Variants in ZFHX3 observed in about 807,000 individuals in gnomAD.
ZFHX3 encodes zinc finger homeobox 3, also known as zinc finger homeobox protein 3.
ZFHX3 carries 42 observed loss-of-function variants against 279.1 expected under a neutral mutation model. That is an observed-to-expected ratio of 0.15 (90% confidence interval 0.12 to 0.19). ZFHX3 has a LOEUF of 0.19. ZFHX3 is among the 10% of genes least tolerant of loss of function. The probability of loss-of-function intolerance (pLI) is 1.00; values close to 1 mark genes in which losing one functional copy is unlikely to be tolerated. For missense variants in ZFHX3, 4,981 were observed against 4,754.0 expected, an observed-to-expected ratio of 1.05 and a Z score of -1.40; for synonymous variants, 2,293 against 1,957.8, an observed-to-expected ratio of 1.17 and a Z score of -4.52.
chr16:73,305,208 G>C (rs2015154397), intron 4 of ZFHX3, among the ~76,000 whole-genome samples: 2 of 152,066 alleles, frequency 1.3e-5, no homozygotes, highest in African/African-American at 4.8e-5. Context: ...GTGTAAGCTG[G>C]GCAATTTCAG....
chr16:73,719,559 G>A (rs554190328), intron 1 of ZFHX3, among the ~76,000 whole-genome samples: 2 of 152,230 alleles, frequency 1.3e-5, no homozygotes, highest in East Asian at 1.9e-4. Context: ...CAAGAATGAT[G>A]GAAAATAACT....
intron 1 of ZFHX3, among the ~76,000 whole-genome samples, chr16:73,680,713 T>C (rs1034384521): frequency 1.3e-5 from 2 of 152,200 alleles, no homozygotes; most frequent in African/African-American, 2.4e-5. Context: ...TGAAACTGAA[T>C]GGTGGGTGTA....
chr16:73,507,557 G>A (rs1408739791), intron 2 of ZFHX3, among the ~76,000 whole-genome samples: 1 of 142,874 alleles, frequency 7.0e-6, no homozygotes, highest in Non-Finnish European at 1.5e-5. Flanking sequence ...GTACAGTGGT[G>A]CAGTCATGGC....
chr16:73,116,039 G>C (rs1204023092), intron 7 of ZFHX3, among the ~76,000 whole-genome samples: 1 of 151,750 alleles, frequency 6.6e-6, no homozygotes, highest in Non-Finnish European at 1.5e-5. Context: ...GGAATCACTT[G>C]AACCCAGGAG....
At chr16:73,176,759 GA>G (rs1037380524) in intron 5 of ZFHX3, among the ~76,000 whole-genome samples, 5 of 151,814 alleles carry the variant, frequency 3.3e-5, no homozygotes, top group African/African-American at 1.2e-4. Flanking sequence ...GCTAAGAGTG[GA>G]AAAAAGTCTT....
intron 4 of ZFHX3, among the ~76,000 whole-genome samples, chr16:72,887,362 A>C (rs2038652765): frequency 6.6e-6 from 1 of 152,196 alleles, no homozygotes; most frequent in African/African-American, 2.4e-5. Context: ...GAAAACAATA[A>C]GTTGTACAAG....
At chr16:73,003,936 G>C (rs1323582428) in intron 1 of ZFHX3, among the ~76,000 whole-genome samples, 1 of 128,762 alleles carries the variant, frequency 7.8e-6, no homozygotes, top group African/African-American at 3.4e-5. Flanking sequence ...ACCAGATCAG[G>C]GTATTTGCTT....
chr16:73,367,306 G>T (rs2016546412), intron 3 of ZFHX3, among the ~76,000 whole-genome samples: 1 of 152,124 alleles, frequency 6.6e-6, no homozygotes, highest in South Asian at 2.1e-4. Flanking sequence ...ATGGCTCACC[G>T]CCCAGAAGAC....
intron 1 of ZFHX3, among the ~76,000 whole-genome samples, chr16:73,692,863 G>A (rs1175947337): frequency 6.6e-6 from 1 of 152,220 alleles, no homozygotes; most frequent in Non-Finnish European, 1.5e-5. Context: ...AGAAAGAGGA[G>A]CCACCAGAGC....
rs1384855680 is a variant in ZFHX3 at position 73,032,742 on chromosome 16, T to C, written c.-50+15010A>G. ...CACACGCTTGCAAAGGACTTTCTTT[T>C]CCTCCTCCTCCCCCCAGCAGGTTAA... On this transcript the variant is annotated intron_variant, in intron 1 of 9. Coordinates refer to ENST00000268489, the MANE Select transcript of ZFHX3 (RefSeq NM_006885.4). Among the ~76,000 whole-genome samples the C allele has an allele frequency of 2.6e-5, 4 of 151,928 alleles. No individual in the cohort carries two copies. The East Asian group carries it at 7.8e-4, about 29-fold the overall frequency.
intron 4 of ZFHX3, among the ~76,000 whole-genome samples, chr16:72,843,031 G>A (rs2037381954): frequency 6.6e-6 from 1 of 152,204 alleles, no homozygotes; most frequent in Non-Finnish European, 1.5e-5. Context: ...AGGCAGAATA[G>A]TCCAAACACA....
At chr16:73,340,589 T>C (rs1233219214) in intron 3 of ZFHX3, among the ~76,000 whole-genome samples, 1 of 152,230 alleles carries the variant, frequency 6.6e-6, no homozygotes, top group African/African-American at 2.4e-5. Flanking sequence ...TTGCCTAGGC[T>C]GGCCTTGAAC....
At chr16:73,713,064 C>T (rs1350901494) in intron 1 of ZFHX3, among the ~76,000 whole-genome samples, 1 of 152,128 alleles carries the variant, frequency 6.6e-6, no homozygotes, top group Non-Finnish European at 1.5e-5. Flanking sequence ...CACCAGCCAC[C>T]CCATGCTCTC....
At chr16:73,214,554 C>T (rs143693183) in intron 5 of ZFHX3, among the ~76,000 whole-genome samples, 12 of 152,294 alleles carry the variant, frequency 7.9e-5, no homozygotes, top group African/African-American at 1.4e-4. Flanking sequence ...CCCTCTGCTT[C>T]GTTCTTCACT....
chr16:73,538,219 C>T (rs117187218), intron 2 of ZFHX3, among the ~76,000 whole-genome samples: 2,907 of 152,036 alleles, frequency 0.019, 32 homozygotes, highest in Non-Finnish European at 0.031. Flanking sequence ...ACTAGTCAGC[C>T]TAAAATAAAA....
At chr16:73,037,813 C>CA (rs1342224685) in intron 1 of ZFHX3, among the ~76,000 whole-genome samples, 3 of 151,958 alleles carry the variant, frequency 2.0e-5, no homozygotes, top group Admixed American at 6.6e-5. Flanking sequence ...CCCACCCACC[C>CA]AAAAAAGATA....
intron 3 of ZFHX3, among the ~76,000 whole-genome samples, chr16:73,423,398 T>C (rs2017753951): frequency 6.6e-6 from 1 of 152,156 alleles, no homozygotes; most frequent in African/African-American, 2.4e-5. Context: ...CTTCATCCTT[T>C]TTTGACTTGC....
At chr16:73,575,361 G>C (rs2051789036) in intron 2 of ZFHX3, among the ~76,000 whole-genome samples, 1 of 152,162 alleles carries the variant, frequency 6.6e-6, no homozygotes, top group South Asian at 2.1e-4. Flanking sequence ...CAATCTCCCT[G>C]TTCCGGGCAC....
At chr16:73,722,717 T>C (rs980462234) in intron 1 of ZFHX3, among the ~76,000 whole-genome samples, 1 of 152,082 alleles carries the variant, frequency 6.6e-6, no homozygotes, top group Non-Finnish European at 1.5e-5. Context: ...TCCAATGATA[T>C]GGGTAAGAAG....
Sources: allele counts gnomAD v4.1 joint callset (sites outside exome capture counted in the v4.1 genomes callset), GRCh38; gene constraint gnomAD v4.1.1; transcripts MANE v1.5; gene names NCBI Gene and HGNC (gene_info 2026-07-23, HGNC 2026-07-21).